CHODL: variants seen among roughly 807,000 people sequenced by gnomAD.
CHODL encodes chondrolectin.
CHODL carries 29 observed loss-of-function variants against 34.5 expected under a neutral mutation model. The ratio of observed to expected loss-of-function variants is 0.84; its 90% CI spans 0.63 to 1.15. The LOEUF (loss-of-function observed/expected upper bound fraction) is 1.15, where lower values mean the gene tolerates loss of function less well. Among genes scored for constraint, CHODL ranks in the 50% most tolerant of loss-of-function variants. The pLI is 0.00. For missense variants in CHODL, 332 were observed against 332.5 expected (o/e 1.00, Z 0.01); for synonymous variants, 125 against 116.1 (o/e 1.08, Z -0.49).
In CHODL at chr21:18,230,813, C is replaced by T. The variant is rs191557349; in HGVS notation, c.-44-25696C>T. On this transcript the variant is annotated intron_variant, in intron 2 of 6. Transcript: ENST00000400127. The stretch of plus-strand genomic sequence containing the variant: ...GCAATCATAGTTATAATGCTTTTGG[C>T]GTAATTTTTGTCATTATAGACTAAA... 4.7e-4 allele frequency among the ~76,000 whole-genome samples: 72 copies of T among 152,006 alleles called. 1 individual carries two copies. The highest frequency in any genetic ancestry group is 1.6e-3 in the African/African-American group (67 of 41,476).
intron 2 of CHODL, among the ~76,000 whole-genome samples, chr21:18,126,450 G>C (rs205691): frequency 0.092 from 13,950 of 152,100 alleles, 776 homozygotes; most frequent in Middle Eastern, 0.19. Context: ...ACTTTATTAC[G>C]GTTGTCTACA....
chr21:18,128,409 A>G (rs1403863156), intron 2 of CHODL, among the ~76,000 whole-genome samples: 1 of 150,676 alleles, frequency 6.6e-6, no homozygotes, highest in Non-Finnish European at 1.5e-5. Context: ...ACAGCTCAAC[A>G]CTATATGATC....
chr21:18,049,739 G>A (rs28652777), intron 2 of CHODL, among the ~76,000 whole-genome samples: 2,281 of 151,944 alleles, frequency 0.015, 52 homozygotes, highest in African/African-American at 0.051. Context: ...AACATCAGTC[G>A]GATTGGATTA....
At chr21:18,162,013 C>T (rs923614416) in intron 2 of CHODL, among the ~76,000 whole-genome samples, 6 of 152,168 alleles carry the variant, frequency 3.9e-5, no homozygotes, top group African/African-American at 1.4e-4. Flanking sequence ...ATTGTCAGTT[C>T]CCTAGAAGCG....
At chr21:18,122,325 C>T (rs17697343) in intron 2 of CHODL, among the ~76,000 whole-genome samples, 3,038 of 152,136 alleles carry the variant, frequency 0.02, 46 homozygotes, top group Middle Eastern at 0.092. Context: ...TACTTTCTTA[C>T]GGTCACTGGA....
rs115378776 is a variant in CHODL, at chr21:18,159,533, A to G, written c.-44-96976A>G. ...TGACTTAATTGTCAAAAAAGGAAAG[A>G]ATTTAAAAACAAGCTGATGATTTTC... On this transcript the variant is annotated intron_variant, in intron 2 of 6. Coordinates refer to the CHODL transcript ENST00000400127. 2.1e-3 allele frequency among the ~76,000 whole-genome samples: 321 copies of G among 152,314 alleles called. 3 individuals are homozygous for G. Among genetic ancestry groups the G allele is most frequent in the African/African-American group, 7.4e-3 (309 of 41,566 alleles).
At chr21:18,015,061 T>C (rs1340832627) in intron 1 of CHODL, among the ~76,000 whole-genome samples, 1 of 152,184 alleles carries the variant, frequency 6.6e-6, no homozygotes, top group Non-Finnish European at 1.5e-5. Context: ...AATCGTTGTA[T>C]ACAAAATGCT....
chr21:17,961,551 A>G (rs1365146107), intron 1 of CHODL, among the ~76,000 whole-genome samples: 1 of 152,178 alleles, frequency 6.6e-6, no homozygotes, highest in East Asian at 1.9e-4. Flanking sequence ...TAGGGGAAGG[A>G]TATCATTTAA....
chr21:18,101,917 G>T (rs1333366362), intron 2 of CHODL, among the ~76,000 whole-genome samples: 1 of 151,994 alleles, frequency 6.6e-6, no homozygotes, highest in East Asian at 1.9e-4. Context: ...TGAGGCAGAT[G>T]AAGTGTCCAA....
chr21:18,239,031 A>G (rs1439046356), intron 2 of CHODL, among the ~76,000 whole-genome samples: 1 of 152,112 alleles, frequency 6.6e-6, no homozygotes, highest in Non-Finnish European at 1.5e-5. Context: ...GAGAAATATT[A>G]TAGCACAAAT....
chr21:18,164,827 GTTC>G (rs1350894313), intron 2 of CHODL, among the ~76,000 whole-genome samples: 1 of 152,166 alleles, frequency 6.6e-6, no homozygotes, highest in East Asian at 1.9e-4. Flanking sequence ...GTGTGTCCCA[GTTC>G]TTCTCACTTG....
intron 1 of CHODL, among the ~76,000 whole-genome samples, chr21:17,979,181 GAT>G (rs2063695264): frequency 6.6e-6 from 1 of 152,160 alleles, no homozygotes; most frequent in South Asian, 2.1e-4. Context: ...AAATTTCAGA[GAT>G]TAGCCATGGA....
chr21:18,216,656 T>C (rs1568941060), intron 2 of CHODL, among the ~76,000 whole-genome samples: 1 of 152,174 alleles, frequency 6.6e-6, no homozygotes. Flanking sequence ...TGAGACTGGG[T>C]AATTTATAAA....
intron 2 of CHODL, among the ~76,000 whole-genome samples, chr21:18,238,744 C>T (rs562909901): frequency 6.6e-6 from 1 of 152,212 alleles, no homozygotes; most frequent in South Asian, 2.1e-4. Flanking sequence ...TGAGTCTCAG[C>T]ACAGACGGGC....
intron 2 of CHODL, among the ~76,000 whole-genome samples, chr21:18,107,249 C>T (rs1052951055): frequency 6.6e-6 from 1 of 152,190 alleles, no homozygotes; most frequent in East Asian, 1.9e-4. Context: ...CTTATAGCAG[C>T]TGTAGTTTCC....
At chr21:18,138,906 G>A (rs1219192613) in intron 2 of CHODL, among the ~76,000 whole-genome samples, 1 of 152,074 alleles carries the variant, frequency 6.6e-6, no homozygotes, top group Non-Finnish European at 1.5e-5. Context: ...TCATTTCTTG[G>A]AGCAGGGCAC....
In CHODL at chr21:17,971,238, C is replaced by T. The variant is rs969287878; in HGVS notation, c.-145+53838C>T. ...TAGTAGAATGATTTATAATCCTTTG[C>T]GTGTATACCCAGTAATGGGATTGCT... On this transcript the variant is annotated intron_variant, in intron 1 of 6. Coordinates refer to the CHODL transcript ENST00000400127. 9.2e-5 allele frequency among the ~76,000 whole-genome samples: 14 copies of T among 152,206 alleles called. 1 individual carries two copies. In the East Asian group the frequency reaches 1.4e-3, roughly 15 times the overall value.
At chr21:18,247,596 A>G (rs1158477011) in intron 1 of CHODL, among the ~76,000 whole-genome samples, 2 of 152,136 alleles carry the variant, frequency 1.3e-5, no homozygotes, top group Non-Finnish European at 2.9e-5. Flanking sequence ...AATCTGACCC[A>G]TGAGATTTAG....
chr21:18,239,484 A>G (rs2146768469), intron 2 of CHODL, among the ~76,000 whole-genome samples: 1 of 151,272 alleles, frequency 6.6e-6, no homozygotes, highest in South Asian at 2.1e-4. Flanking sequence ...GTCAGCTCAC[A>G]TAATACAGTT....
Sources: gnomAD v4.1 joint callset for allele counts (sites outside exome capture counted in the v4.1 genomes callset) on GRCh38, gnomAD v4.1.1 for gene constraint, MANE v1.5 for transcripts, NCBI Gene and HGNC (gene_info 2026-07-23, HGNC 2026-07-21) for gene names.